BRWD3: variants seen among roughly 807,000 people sequenced by gnomAD.
BRWD3 encodes bromodomain and WD repeat domain containing 3, also known as bromodomain and WD repeat-containing protein 3.
A neutral mutation model predicts 149.7 loss-of-function variants in BRWD3; 10 were observed. That is an observed-to-expected ratio of 0.07 (90% CI 0.04 to 0.11). The LOEUF (loss-of-function observed/expected upper bound fraction) is 0.11. BRWD3 is among the 10% of genes least tolerant of loss of function. The probability of loss-of-function intolerance (pLI) is 1.00; values close to 1 mark genes in which losing one functional copy is unlikely to be tolerated. For synonymous variants in BRWD3, 504 were observed against 456.7 expected, an observed-to-expected ratio of 1.10 and a Z score of -1.32; for missense variants, 940 against 1,373.2, an observed-to-expected ratio of 0.68 and a Z score of 4.99.
intron 35 of BRWD3, among the ~76,000 whole-genome samples, 183 bp from the exon 36 acceptor site, chrX:80,685,719 A>T (rs762910264): frequency 9.1e-6 from 1 of 110,416 alleles, no homozygotes; most frequent in East Asian, 2.8e-4. Context: ...CACAAGACTA[A>T]TTTATTTTAC....
At chrX:80,727,781 C>T (rs1179479704) in intron 14 of BRWD3, among the ~76,000 whole-genome samples, 1 of 111,238 alleles carries the variant, frequency 9.0e-6, no homozygotes. Flanking sequence ...TACACTTCCT[C>T]AGGAAGTTTT....
At chrX:80,719,694 C>T (rs1472314407) in intron 17 of BRWD3, 38 bp from the exon 18 acceptor site, 1 of 1,164,045 alleles carries the variant, frequency 8.6e-7, no homozygotes, top group African/African-American at 1.8e-5. Flanking sequence ...AAATTACTTA[C>T]ATTTTAGTAT....
chrX:80,791,793 T>TA, intron 6 of BRWD3, 61 bp downstream of exon 6: 1 of 898,748 alleles, frequency 1.1e-6, no homozygotes, highest in Non-Finnish European at 1.6e-6. Context: ...TTTGTCTTCC[T>TA]AATGAGTTCA....
intron 20 of BRWD3, among the ~76,000 whole-genome samples, chrX:80,710,944 A>G (rs2072955266): frequency 9.0e-6 from 1 of 111,066 alleles, no homozygotes; most frequent in African/African-American, 3.3e-5. Flanking sequence ...TTTTTATATG[A>G]AAAAAGTAAG....
At position 80,736,029 on chromosome X, in the gene BRWD3, T is replaced by G; in HGVS notation, c.873A>C (p.Thr291=). 1 of 1,205,234 alleles carries G rather than the reference T, an allele frequency of 8.3e-7. No homozygotes were observed. The highest frequency in any genetic ancestry group is 1.1e-6 in the Non-Finnish European group (1 of 891,678). ...RYLTSTGADG[T]ICFWQWHVKT... is the part of the protein sequence containing the mutation. The stretch of plus-strand genomic sequence containing the variant: ...TTACATGCCATTGCCAGAAACAGAT[T>G]GTTCCATCAGCACCAGTAGAAGTGA... Residue 291 remains threonine, a synonymous_variant, in exon 9 of 41, where the codon ACA becomes ACC. Coordinates refer to ENST00000373275, the MANE Select transcript of BRWD3 (RefSeq NM_153252.5).
chrX:80,672,380 G>GAGGA lies in BRWD3; in HGVS notation c.*4225_*4228dup, dbSNP rs1315522260. On this transcript the variant is annotated 3_prime_UTR_variant, in exon 41 of 41. Transcript: ENST00000373275. ...TCCCAGCACTTTGGGAGGCCGAGGT[G>GAGGA]AGGAAGGAAGGAAGGAGGGAAGGAA... 2 of 85,036 alleles carry GAGGA rather than the reference G, an allele frequency of 2.4e-5. No homozygotes were observed. Among genetic ancestry groups the GAGGA allele is most frequent in the Non-Finnish European group, 4.5e-5 (2 of 44,600 alleles). 7.0% of individuals were successfully genotyped at this position (85,036 alleles called of 1,213,427 possible).
intron 6 of BRWD3, among the ~76,000 whole-genome samples, chrX:80,748,435 A>G (rs1053247582): frequency 1.8e-5 from 2 of 111,818 alleles, no homozygotes; most frequent in African/African-American, 3.3e-5. Context: ...CTCCTCTTCA[A>G]TTTTTTGGAA....
rs1431057212 is a variant in BRWD3, at chrX:80,726,176, CTG to C, written c.1387-1111_1387-1110del. Among the ~76,000 whole-genome samples the C allele has an allele frequency of 2.9e-5, 3 of 104,562 alleles. No individual in the cohort carries two copies. In the Admixed American group the frequency reaches 3.1e-4, roughly 11 times the overall value. The allele number at this position is 104,562 out of a possible 115,157, so 90.8% of individuals were successfully genotyped here. On this transcript the variant is annotated intron_variant, in intron 14 of 40. Coordinates refer to ENST00000373275, the MANE Select transcript of BRWD3 (RefSeq NM_153252.5). ...TATAACACGTTTACATGTTATATGT[CTG>C]TATAACATATAACACGTTTACATGT...
Position 80,734,103 on chromosome X carries a change from C to T in BRWD3, c.1086+15G>A. ...ATGTTCAAAAATAAAGCAACCGTTT[C>T]TGATTTTCTCTTACCGTATGTGACT... On this transcript the variant is annotated intron_variant, in intron 11 of 40. Coordinates refer to ENST00000373275, the MANE Select transcript of BRWD3 (RefSeq NM_153252.5). 1.9e-6 allele frequency: 2 copies of T among 1,072,207 alleles called. No individual in the cohort carries two copies. The highest frequency in any genetic ancestry group is 2.6e-6 in the Non-Finnish European group (2 of 768,840). 88.4% of individuals were successfully genotyped at this position (1,072,207 alleles called of 1,213,427 possible).
intron 22 of BRWD3, among the ~76,000 whole-genome samples, chrX:80,705,592 G>A (rs924957148): frequency 9.0e-6 from 1 of 111,589 alleles, no homozygotes; most frequent in Non-Finnish European, 1.9e-5. Context: ...ATCATACAGA[G>A]TATACTTACA....
chrX:80,783,965 G>A (rs916950259), intron 6 of BRWD3, among the ~76,000 whole-genome samples: 1 of 110,920 alleles, frequency 9.0e-6, no homozygotes, highest in Non-Finnish European at 1.9e-5. Context: ...TGGTTAATGC[G>A]TAAAAAAATA....
At chrX:80,740,645 A>G (rs2073473265) in intron 8 of BRWD3, among the ~76,000 whole-genome samples, 1 of 111,885 alleles carries the variant, frequency 8.9e-6, no homozygotes, top group South Asian at 3.7e-4. Context: ...GCTACTCAGG[A>G]GGTGGAGGTG....
chrX:80,760,757 T>C (rs2073794158), intron 6 of BRWD3, among the ~76,000 whole-genome samples: 1 of 111,933 alleles, frequency 8.9e-6, no homozygotes. Context: ...TCTTTCTTCA[T>C]TGTCCTACCC....
chrX:80,702,460 T>C (rs1420490692), intron 24 of BRWD3, among the ~76,000 whole-genome samples: 2 of 112,209 alleles, frequency 1.8e-5, no homozygotes, highest in Non-Finnish European at 3.8e-5. Context: ...CTCCAGAAAA[T>C]AAAAACAGGC....
intron 4 of BRWD3, 49 bp downstream of exon 4, chrX:80,808,487 GGGA>G: frequency 9.5e-7 from 1 of 1,055,707 alleles, no homozygotes; most frequent in Admixed American, 2.2e-5. Context: ...GTACAAGGTG[GGGA>G]GGGAGTGGTG....
At chrX:80,708,934 G>A (rs892945343) in intron 21 of BRWD3, among the ~76,000 whole-genome samples, 1 of 111,779 alleles carries the variant, frequency 8.9e-6, no homozygotes. Context: ...CAAAAAGACT[G>A]GAGAACAGAA....
intron 6 of BRWD3, among the ~76,000 whole-genome samples, chrX:80,767,914 T>C (rs2073885043): frequency 1.8e-5 from 2 of 111,711 alleles, no homozygotes; most frequent in African/African-American, 6.5e-5. Flanking sequence ...AACCATGGCA[T>C]GAGAACTACG....
intron 4 of BRWD3, among the ~76,000 whole-genome samples, chrX:80,801,044 G>A (rs950920876): frequency 7.4e-5 from 8 of 108,620 alleles, no homozygotes; most frequent in Admixed American, 1.0e-4. Flanking sequence ...TAGGTGCTCA[G>A]TAGAGAAAAG....
chrX:80,711,011 A>G (rs2147729807), intron 20 of BRWD3, among the ~76,000 whole-genome samples: 1 of 111,565 alleles, frequency 9.0e-6, no homozygotes, highest in Admixed American at 9.5e-5. Flanking sequence ...TCCTGAAAAA[A>G]AAAAGAAATG....
Sources: gnomAD v4.1 joint callset for allele counts (sites outside exome capture counted in the v4.1 genomes callset) on GRCh38, gnomAD v4.1.1 for gene constraint, MANE v1.5 for transcripts, NCBI Gene and HGNC (gene_info 2026-07-23, HGNC 2026-07-21) for gene names.